Variants in ZNF618 observed in about 807,000 individuals in gnomAD.
ZNF618 encodes the protein zinc finger protein 618, also known as neural precursor cell expressed, developmentally down-regulated 10.
In ZNF618, 34 loss-of-function variants were observed where a neutral mutation model predicts 103.0. That is an observed-to-expected ratio of 0.33 (90% confidence interval 0.25 to 0.44). The LOEUF (loss-of-function observed/expected upper bound fraction) is 0.44, where lower values mean the gene tolerates loss of function less well. ZNF618 is among the 20% of genes least tolerant of loss of function. ZNF618 has a pLI of 1.00. For missense variants in ZNF618, 1,059 were observed against 1,295.4 expected (o/e 0.82, Z 2.80); for synonymous variants, 551 against 542.2 (o/e 1.02, Z -0.23).
intron 10 of ZNF618, among the ~76,000 whole-genome samples, chr9:114,027,120 T>C (rs528315854): frequency 6.6e-6 from 1 of 151,572 alleles, no homozygotes; most frequent in African/African-American, 2.4e-5. Flanking sequence ...AAAAAAAAAA[T>C]TGGAAATTAT....
intron 13 of ZNF618, among the ~76,000 whole-genome samples, chr9:114,043,745 G>GC (rs1184572025): frequency 3.3e-5 from 5 of 152,146 alleles, no homozygotes; most frequent in Admixed American, 6.5e-5. Flanking sequence ...GGCCATTCTT[G>GC]CAGGAGTAAG....
intron 2 of ZNF618, among the ~76,000 whole-genome samples, chr9:113,977,325 C>T (rs1838573133): frequency 6.6e-6 from 1 of 152,114 alleles, no homozygotes; most frequent in South Asian, 2.1e-4. Context: ...AGGAGTTGGA[C>T]CTTGGAGAAT....
Position 114,049,259 on chromosome 9 carries a change from C to T in ZNF618, c.1957C>T (p.Leu653=), listed in dbSNP as rs971036835. 1 of 1,612,804 alleles carries T rather than the reference C, an allele frequency of 6.2e-7. No homozygotes were observed. The highest frequency in any genetic ancestry group is 1.3e-5 in the African/African-American group (1 of 74,942). The change falls in exon 15 of 15, where the codon CTG becomes TTG. Residue 653 remains leucine, a synonymous_variant. Transcript: ENST00000374126. ...VVQSVLSKRT[L]QARSMHEVIE... is the part of the protein sequence containing the mutation. ...GCAGAGCGTGCTGAGCAAGCGGACA[C>T]TGCAGGCCCGCAGCATGCACGAGGT...
At chr9:113,917,399 A>G (rs1037308197) in intron 1 of ZNF618, among the ~76,000 whole-genome samples, 2 of 149,940 alleles carry the variant, frequency 1.3e-5, no homozygotes, top group African/African-American at 2.5e-5. Flanking sequence ...GGCGTGTGCC[A>G]CCACACTCGT....
intron 10 of ZNF618, among the ~76,000 whole-genome samples, chr9:114,022,161 AAC>A (rs1294387342): frequency 6.6e-6 from 1 of 152,056 alleles, no homozygotes. Context: ...TTTAACTTTT[AAC>A]AACAGCCATG....
intron 3 of ZNF618, among the ~76,000 whole-genome samples, chr9:113,989,559 C>T (rs927637837): frequency 6.6e-6 from 1 of 152,188 alleles, no homozygotes; most frequent in African/African-American, 2.4e-5. Context: ...CTTCCCTCCA[C>T]TCCCTACTCC....
chr9:114,029,049 T>C, intron 11 of ZNF618, 77 bp downstream of exon 11: 2 of 1,492,938 alleles, frequency 1.3e-6, no homozygotes, highest in Non-Finnish European at 1.8e-6. Context: ...GTGCCTGGGG[T>C]TGTTGTTGCC....
intron 1 of ZNF618, among the ~76,000 whole-genome samples, chr9:113,967,773 C>A (rs954412706): frequency 1.4e-5 from 1 of 70,968 alleles, no homozygotes; most frequent in Non-Finnish European, 2.9e-5. Flanking sequence ...TGTGGATGCC[C>A]GCTGGGACCA....
In ZNF618 at chr9:113,910,660, C is replaced by T. The variant is rs75027344; in HGVS notation, c.33+34247C>T. Among the ~76,000 whole-genome samples, 1,393 of 152,222 alleles carry T rather than the reference C, an allele frequency of 9.2e-3. 23 individuals are homozygous for T. The highest frequency in any genetic ancestry group is 0.032 in the African/African-American group (1,326 of 41,536). ...CAATTATCTACCAGGGACAATATCA[C>T]TTTCCTAAAGTGGTTCATCTGAAAG... On this transcript the variant is annotated intron_variant, in intron 1 of 14. Coordinates refer to ENST00000374126, the MANE Select transcript of ZNF618 (RefSeq NM_001318042.2).
In ZNF618 at chr9:114,049,414, G is replaced by A. The variant is rs756324699; in HGVS notation, c.2112G>A (p.Val704=). The A allele has an allele frequency of 2.5e-6, 4 of 1,603,254 alleles. No homozygotes were observed. Among genetic ancestry groups the A allele is most frequent in the South Asian group, 2.2e-5 (2 of 89,440 alleles). Residue 704 remains valine (V), a synonymous_variant, in exon 15 of 15, where the codon GTG becomes GTA. Coordinates refer to ENST00000374126, the MANE Select transcript of ZNF618 (RefSeq NM_001318042.2). ...CGGTGACGGACTCACTGTTGCTGGT[G>A]CATGAGCGCTATGAGCAGATCTGCG... is the stretch of plus-strand genomic sequence containing the variant. ...WNSVTDSLLL[V]HERYEQICEF...
At position 114,048,927 on chromosome 9, in the gene ZNF618, G is replaced by A; in HGVS notation, c.1625G>A (p.Gly542Asp). 1 of 1,609,146 alleles carries A rather than the reference G, an allele frequency of 6.2e-7. No homozygotes were observed. Among genetic ancestry groups the A allele is most frequent in the Non-Finnish European group, 8.5e-7 (1 of 1,177,768 alleles). The change falls in exon 15 of 15, where the codon GGC becomes GAC. Residue 542 changes from glycine (G) to aspartate (D), a missense_variant. Gly to Asp is a moderately conservative substitution (Grantham distance 94). Around this residue, in one of 6 missense-constraint regions of ZNF618, gnomAD observed 272 missense variants for 380.1 expected, o/e 0.72. Coordinates refer to ENST00000374126, the MANE Select transcript of ZNF618 (RefSeq NM_001318042.2). ...QVKVKVTCAL[G>D]SNACLGIGVT... ...AAGGTGAAAGTGACCTGTGCCTTGG[G>A]CAGCAATGCCTGCCTAGGCATCGGT...
In ZNF618 at chr9:114,007,288, A is replaced by G. The variant is rs747897437; in HGVS notation, c.551-62A>G. ...TTGGTTTCTGAGATGATCTGGCCAGAAAAACCCCACCCCACAAGACTGAAG... is the reference window on the plus strand; with the variant it reads ...TTGGTTTCTGAGATGATCTGGCCAGGAAAACCCCACCCCACAAGACTGAAG... On this transcript the variant is annotated intron_variant, in intron 6 of 14. Transcript: ENST00000374126. The G allele has an allele frequency of 3.6e-4, 537 of 1,500,110 alleles. 3 individuals are homozygous for G. The highest frequency in any genetic ancestry group is 1.0e-3 in the Admixed American group (57 of 54,570). 92.9% of individuals were successfully genotyped at this position (1,500,110 alleles called of 1,614,324 possible).
At chr9:113,901,492 A>T (rs565377704) in intron 1 of ZNF618, among the ~76,000 whole-genome samples, 2 of 152,178 alleles carry the variant, frequency 1.3e-5, no homozygotes, top group Non-Finnish European at 2.9e-5. Context: ...ATTGGCTCTA[A>T]CAAAATGCTG....
intron 1 of ZNF618, among the ~76,000 whole-genome samples, chr9:113,950,100 A>G (rs1291624102): frequency 6.6e-6 from 1 of 152,240 alleles, no homozygotes; most frequent in East Asian, 1.9e-4. Context: ...TTTAGAGGAA[A>G]AACAAAGAGA....
chr9:113,990,810 G>C (rs190927358), intron 3 of ZNF618, among the ~76,000 whole-genome samples: 9 of 152,312 alleles, frequency 5.9e-5, no homozygotes, highest in African/African-American at 2.2e-4. Context: ...GAATGTTTGG[G>C]GAGGCGCAGG....
At chr9:114,026,465 C>A (rs903400500) in intron 10 of ZNF618, among the ~76,000 whole-genome samples, 2 of 152,218 alleles carry the variant, frequency 1.3e-5, no homozygotes, top group African/African-American at 4.8e-5. Flanking sequence ...TCCAACGGGG[C>A]TCCTAGAGTC....
intron 1 of ZNF618, among the ~76,000 whole-genome samples, chr9:113,910,880 G>T (rs1831481357): frequency 6.6e-6 from 1 of 151,756 alleles, no homozygotes; most frequent in South Asian, 2.1e-4. Flanking sequence ...GACTAGGCTG[G>T]AGTGCAGTGG....
Position 114,049,660 on chromosome 9 carries a change from C to T in ZNF618, c.2358C>T (p.His786=), listed in dbSNP as rs1433763432. The change falls in exon 15 of 15, where the codon CAC becomes CAT. Residue 786 remains histidine, a synonymous_variant. Transcript: ENST00000374126. ...CAGGCACTGTCAGCAAGCTCTGCCA[C>T]CTCTTCCTGGAGGCGCTCAAGGAGA... ...NDAGTVSKLC[H]LFLEALKENF... 1.9e-6 allele frequency: 3 copies of T among 1,613,838 alleles called. No individual in the cohort carries two copies.
At chr9:113,901,475 C>T (rs1428979087) in intron 1 of ZNF618, among the ~76,000 whole-genome samples, 3 of 152,208 alleles carry the variant, frequency 2.0e-5, no homozygotes, top group African/African-American at 4.8e-5. Context: ...TCTTAATTAC[C>T]CACTGAATTG....
Sources: gnomAD v4.1 joint callset for allele counts (sites outside exome capture counted in the v4.1 genomes callset) on GRCh38, gnomAD v4.1.1 for gene constraint, gnomAD v4.1.1 regional missense constraint, MANE v1.5 for transcripts, NCBI Gene and HGNC (gene_info 2026-07-23, HGNC 2026-07-21) for gene names.